STXBP6: variants seen among roughly 807,000 people sequenced by gnomAD.
STXBP6 encodes syntaxin binding protein 6.
In STXBP6, 21 loss-of-function variants were observed where a neutral mutation model predicts 26.9. That is an observed-to-expected ratio of 0.78 (90% confidence interval 0.55 to 1.12). STXBP6 has a LOEUF of 1.12. Among genes scored for constraint, STXBP6 ranks in the 50% most tolerant of loss-of-function variants. The pLI is 0.00. For missense variants in STXBP6, 232 were observed against 257.9 expected, an observed-to-expected ratio of 0.90 and a Z score of 0.69; for synonymous variants, 97 against 92.6, an observed-to-expected ratio of 1.05 and a Z score of -0.27.
At chr14:25,003,022 C>T (rs1000982040) in intron 1 of STXBP6, among the ~76,000 whole-genome samples, 6 of 151,956 alleles carry the variant, frequency 3.9e-5, no homozygotes, top group Non-Finnish European at 5.9e-5. Flanking sequence ...CCACCGCGGC[C>T]GGCCTAATGT....
At chr14:24,880,311 G>A (rs998974268) in intron 2 of STXBP6, among the ~76,000 whole-genome samples, 2 of 152,162 alleles carry the variant, frequency 1.3e-5, no homozygotes, top group Non-Finnish European at 2.9e-5. Flanking sequence ...ATAGCAACTA[G>A]GCACAGGAGC....
intron 1 of STXBP6, among the ~76,000 whole-genome samples, chr14:25,025,284 G>A (rs1259672393): frequency 6.6e-6 from 1 of 151,830 alleles, no homozygotes; most frequent in Non-Finnish European, 1.5e-5. Context: ...ATATATATTA[G>A]GGAAAATGAC....
At chr14:24,898,236 T>G (rs12880290) in intron 2 of STXBP6, among the ~76,000 whole-genome samples, 51,365 of 152,084 alleles carry the variant, frequency 0.34, 8,792 homozygotes, top group African/African-American at 0.41. Flanking sequence ...CAGGACAAGG[T>G]GTCCATTATG....
chr14:24,887,858 T>C lies in STXBP6; in HGVS notation c.155-30701A>G, dbSNP rs150096550. ...AATACATTTTTGGTGCTAATGCAGC[T>C]TGATGCAAGTCCTACTAGCAGTGAG... is the stretch of plus-strand genomic sequence containing the variant. On this transcript the variant is annotated intron_variant, in intron 2 of 5. Coordinates refer to ENST00000323944, the MANE Select transcript of STXBP6 (RefSeq NM_001394410.1). 5.3e-5 allele frequency among the ~76,000 whole-genome samples: 8 copies of C among 152,342 alleles called. No individual in the cohort carries two copies. In the East Asian group the frequency reaches 1.3e-3, roughly 26 times the overall value.
At chr14:24,915,236 T>C (rs2071721632) in intron 2 of STXBP6, among the ~76,000 whole-genome samples, 1 of 152,174 alleles carries the variant, frequency 6.6e-6, no homozygotes, top group Non-Finnish European at 1.5e-5. Context: ...AATTCTTTCA[T>C]TTCAACTATG....
At chr14:24,907,288 G>T (rs548280608) in intron 2 of STXBP6, among the ~76,000 whole-genome samples, 1 of 152,140 alleles carries the variant, frequency 6.6e-6, no homozygotes, top group African/African-American at 2.4e-5. Context: ...AATCTATATA[G>T]TCATTATGTG....
At chr14:24,979,948 C>G (rs1335194708) in intron 1 of STXBP6, among the ~76,000 whole-genome samples, 1 of 152,220 alleles carries the variant, frequency 6.6e-6, no homozygotes. Flanking sequence ...TCAAGCTTAA[C>G]TGTACTTAAC....
chr14:25,030,392 C>G (rs139388210), intron 1 of STXBP6, among the ~76,000 whole-genome samples: 7 of 152,312 alleles, frequency 4.6e-5, no homozygotes, highest in Admixed American at 6.5e-5. Context: ...TTCCCAGCAC[C>G]CTTTATTCTA....
intron 1 of STXBP6, among the ~76,000 whole-genome samples, chr14:25,039,237 G>T (rs1184941639): frequency 1.3e-5 from 2 of 152,124 alleles, no homozygotes; most frequent in African/African-American, 4.8e-5. Flanking sequence ...AAATTAGGGG[G>T]TTAATAGCAT....
chr14:24,934,227 A>T (rs1361535847), intron 2 of STXBP6, among the ~76,000 whole-genome samples: 1 of 152,194 alleles, frequency 6.6e-6, no homozygotes, highest in African/African-American at 2.4e-5. Context: ...ATATAAAGAC[A>T]TCACCTTGTT....
intron 1 of STXBP6, among the ~76,000 whole-genome samples, chr14:25,019,754 T>C (rs920661695): frequency 1.3e-5 from 2 of 152,180 alleles, no homozygotes; most frequent in African/African-American, 4.8e-5. Flanking sequence ...CCAAATTCTT[T>C]TTTAGATTAT....
At chr14:25,048,711 C>G (rs532722573) in intron 1 of STXBP6, among the ~76,000 whole-genome samples, 12 of 152,340 alleles carry the variant, frequency 7.9e-5, no homozygotes, top group Non-Finnish European at 1.5e-5. Flanking sequence ...CTGAGACGAA[C>G]AGCAGCTCAC....
At chr14:24,927,844 C>T (rs1025443064) in intron 2 of STXBP6, among the ~76,000 whole-genome samples, 1 of 152,174 alleles carries the variant, frequency 6.6e-6, no homozygotes, top group African/African-American at 2.4e-5. Flanking sequence ...AACCTTTATA[C>T]TTGCAACTTT....
chr14:24,865,630 G>A (rs1201556590), intron 2 of STXBP6, among the ~76,000 whole-genome samples: 1 of 152,142 alleles, frequency 6.6e-6, no homozygotes, highest in African/African-American at 2.4e-5. Flanking sequence ...GCTGGGAATA[G>A]TGCCTGTTTC....
At chr14:24,853,033 A>G (rs769318652) in intron 4 of STXBP6, among the ~76,000 whole-genome samples, 4 of 152,154 alleles carry the variant, frequency 2.6e-5, no homozygotes, top group Non-Finnish European at 4.4e-5. Flanking sequence ...TAAATTAGAT[A>G]ACATATGTAT....
At chr14:24,846,483 T>C (rs2068966536) in intron 4 of STXBP6, among the ~76,000 whole-genome samples, 1 of 152,208 alleles carries the variant, frequency 6.6e-6, no homozygotes, top group African/African-American at 2.4e-5. Flanking sequence ...TTTGTCTACA[T>C]ACCATAAACG....
At chr14:24,953,533 C>T (rs1294887600) in intron 2 of STXBP6, among the ~76,000 whole-genome samples, 1 of 152,222 alleles carries the variant, frequency 6.6e-6, no homozygotes, top group Non-Finnish European at 1.5e-5. Flanking sequence ...CCCACGCTTT[C>T]CGCATGTCCC....
intron 1 of STXBP6, among the ~76,000 whole-genome samples, chr14:24,990,424 C>T (rs1356614496): frequency 1.3e-5 from 2 of 152,094 alleles, no homozygotes; most frequent in Non-Finnish European, 2.9e-5. Flanking sequence ...TTAGGAAGGC[C>T]GAGGTGGGTA....
Position 25,049,527 on chromosome 14 carries a change from T to C in STXBP6, c.-33+351A>G, listed in dbSNP as rs1595370865. The stretch of plus-strand genomic sequence containing the variant: ...GGCAGCATTCTCGGGGCCCATGCCA[T>C]CGCGGGGACGGTGCGGAAAAAAAGG... On this transcript the variant is annotated intron_variant, in intron 1 of 5. Coordinates refer to ENST00000323944, the MANE Select transcript of STXBP6 (RefSeq NM_001394410.1). The surrounding 1 kb of genome is among the most constrained non-coding windows in gnomAD (Gnocchi z 5.6). 1.0e-6 allele frequency: 1 copy of C among 985,222 alleles called. No homozygotes were observed. 61.0% of individuals were successfully genotyped at this position (985,222 alleles called of 1,614,324 possible).
Sources: allele counts gnomAD v4.1 joint callset (sites outside exome capture counted in the v4.1 genomes callset), GRCh38; gene constraint gnomAD v4.1.1; non-coding constraint Gnocchi (gnomAD v3.1); transcripts MANE v1.5; gene names NCBI Gene and HGNC (gene_info 2026-07-23, HGNC 2026-07-21).